The following MDGA2 variants were observed in gnomAD, a reference collection of about 807,000 sequenced individuals.
MDGA2 encodes the protein MAM domain containing glycosylphosphatidylinositol anchor 2.
In MDGA2, 40 loss-of-function variants were observed where a neutral mutation model predicts 117.8. That is an observed-to-expected ratio of 0.34 (90% CI 0.26 to 0.44). The LOEUF (loss-of-function observed/expected upper bound fraction) is 0.44. Among genes scored for constraint, MDGA2 ranks in the 20% least tolerant of loss-of-function variants. The pLI is 1.00. For missense variants in MDGA2, 1,123 were observed against 1,250.6 expected, an observed-to-expected ratio of 0.90 and a Z score of 1.54; for synonymous variants, 452 against 439.0, an observed-to-expected ratio of 1.03 and a Z score of -0.37.
chr14:47,048,237 G>C (rs1313297624), intron 7 of MDGA2, among the ~76,000 whole-genome samples: 1 of 152,034 alleles, frequency 6.6e-6, no homozygotes. Flanking sequence ...ATAAGGAACT[G>C]TCTGATCATG....
At chr14:47,154,399 A>G (rs1204064374) in intron 3 of MDGA2, among the ~76,000 whole-genome samples, 2 of 152,156 alleles carry the variant, frequency 1.3e-5, no homozygotes, top group African/African-American at 4.8e-5. Context: ...AACAGGCAGG[A>G]TTCCTGCCCC....
At chr14:47,329,062 A>T (rs1890223028) in intron 1 of MDGA2, among the ~76,000 whole-genome samples, 3 of 152,278 alleles carry the variant, frequency 2.0e-5, no homozygotes, top group Non-Finnish European at 2.9e-5. Context: ...ATTTTAAAAC[A>T]ATGTGTTTGT....
chr14:47,600,261 T>A (rs905542756), intron 1 of MDGA2, among the ~76,000 whole-genome samples: 43 of 151,770 alleles, frequency 2.8e-4, no homozygotes, highest in Admixed American at 2.0e-4. Context: ...GCTTTTTGTA[T>A]TTTTTCGTAT....
At chr14:47,167,281 G>A (rs1158487518) in intron 3 of MDGA2, among the ~76,000 whole-genome samples, 2 of 151,978 alleles carry the variant, frequency 1.3e-5, no homozygotes, top group Non-Finnish European at 2.9e-5. Context: ...TATCATACTG[G>A]TTACAAGGTA....
intron 1 of MDGA2, among the ~76,000 whole-genome samples, chr14:47,323,149 GATATAT>G (rs58765297): frequency 0.017 from 1,796 of 107,204 alleles, 27 homozygotes; most frequent in African/African-American, 0.037. Flanking sequence ...AAGAGTCATG[GATATAT>G]ATATATATAT....
chr14:47,590,769 T>C (rs1896422355), intron 1 of MDGA2, among the ~76,000 whole-genome samples: 1 of 151,930 alleles, frequency 6.6e-6, no homozygotes, highest in African/African-American at 2.4e-5. Flanking sequence ...CCCATAAATA[T>C]ACAAGCCTAC....
At chr14:46,906,977 T>C (rs905831920) in intron 10 of MDGA2, among the ~76,000 whole-genome samples, 1 of 76,144 alleles carries the variant, frequency 1.3e-5, no homozygotes, top group Non-Finnish European at 2.9e-5. Flanking sequence ...TTTTTCTTTT[T>C]TTTTTTTTTT....
intron 1 of MDGA2, among the ~76,000 whole-genome samples, chr14:47,458,827 A>T (rs1304860072): frequency 6.6e-6 from 1 of 151,826 alleles, no homozygotes; most frequent in African/African-American, 2.4e-5. Context: ...GAATGTGTGA[A>T]TTAATCTTTG....
intron 2 of MDGA2, among the ~76,000 whole-genome samples, chr14:47,273,034 G>A (rs1188512174): frequency 3.9e-5 from 6 of 152,050 alleles, no homozygotes; most frequent in Non-Finnish European, 8.8e-5. Context: ...AGGGGATGAC[G>A]CTGGCCACGG....
chr14:47,071,448 T>C (rs951790695), intron 6 of MDGA2, among the ~76,000 whole-genome samples: 9 of 152,144 alleles, frequency 5.9e-5, no homozygotes, highest in African/African-American at 2.2e-4. Flanking sequence ...ATATGTATTA[T>C]AAATAGAAAT....
intron 1 of MDGA2, among the ~76,000 whole-genome samples, chr14:47,563,156 T>C (rs1205848591): frequency 2.0e-5 from 3 of 152,170 alleles, no homozygotes; most frequent in African/African-American, 7.2e-5. Flanking sequence ...TGATGTCTGA[T>C]TATGTGATTA....
chr14:47,377,329 C>T (rs1891501146), intron 1 of MDGA2, among the ~76,000 whole-genome samples: 1 of 152,138 alleles, frequency 6.6e-6, no homozygotes, highest in Admixed American at 6.5e-5. Context: ...TTCTGCATTG[C>T]TAACTGAGGT....
At chr14:47,369,169 C>T (rs542307656) in intron 1 of MDGA2, among the ~76,000 whole-genome samples, 4 of 151,928 alleles carry the variant, frequency 2.6e-5, no homozygotes, top group Non-Finnish European at 4.4e-5. Context: ...CAGCTTTTCC[C>T]CCTTAGTGAT....
chr14:46,970,789 T>G (rs1313182328), intron 8 of MDGA2, among the ~76,000 whole-genome samples: 1 of 152,042 alleles, frequency 6.6e-6, no homozygotes, highest in East Asian at 1.9e-4. Flanking sequence ...TTCAAACTAT[T>G]AATCTGACAA....
At chr14:47,089,199 A>C (rs1336974642) in intron 6 of MDGA2, among the ~76,000 whole-genome samples, 6 of 152,178 alleles carry the variant, frequency 3.9e-5, no homozygotes, top group African/African-American at 1.4e-4. Context: ...TTATCAGTTC[A>C]AATATTTGGG....
intron 3 of MDGA2, among the ~76,000 whole-genome samples, chr14:47,155,146 C>T (rs758709671): frequency 2.6e-5 from 4 of 152,076 alleles, no homozygotes; most frequent in East Asian, 1.9e-4. Context: ...GACCTGCCTG[C>T]GAAAGGAGGT....
Position 47,027,606 on chromosome 14 carries a change from T to C in MDGA2, c.1819+7405A>G, listed in dbSNP as rs184424859. Reference sequence around the variant, plus strand: ...TTTCAGATAATGTATAGTCAATTGCTCTATCTGAAGATATTATATATTATA... The same window carrying C: ...TTTCAGATAATGTATAGTCAATTGCCCTATCTGAAGATATTATATATTATA... On this transcript the variant is annotated intron_variant, in intron 8 of 16. Transcript: ENST00000399232. Among the ~76,000 whole-genome samples, 969 of 135,672 alleles carry C rather than the reference T, an allele frequency of 7.1e-3. 8 individuals are homozygous for C. The highest frequency in any genetic ancestry group is 0.025 in the African/African-American group (932 of 37,814). 89.0% of individuals were successfully genotyped at this position (135,672 alleles called of 152,430 possible). A position where few individuals can be genotyped will look rare whatever the true frequency, so the allele number is the denominator to read the frequency against.
At chr14:47,320,345 G>A (rs1889944197) in intron 1 of MDGA2, among the ~76,000 whole-genome samples, 1 of 152,098 alleles carries the variant, frequency 6.6e-6, no homozygotes, top group South Asian at 2.1e-4. Flanking sequence ...TCGTGCCACT[G>A]CAACTCCAGC....
At chr14:46,902,960 C>T (rs1342995234) in intron 10 of MDGA2, among the ~76,000 whole-genome samples, 1 of 144,476 alleles carries the variant, frequency 6.9e-6, no homozygotes, top group Non-Finnish European at 1.5e-5. Flanking sequence ...GGGGAGGGCC[C>T]CAGAGAATCT....
Sources: allele counts gnomAD v4.1 joint callset (sites outside exome capture counted in the v4.1 genomes callset), GRCh38; gene constraint gnomAD v4.1.1; transcripts MANE v1.5; gene names NCBI Gene and HGNC (gene_info 2026-07-23, HGNC 2026-07-21).